Variants in RAB12 observed in about 807,000 individuals in gnomAD.
RAB12 encodes the protein ras-related protein Rab-12.
RAB12 carries 11 observed loss-of-function variants against 28.4 expected under a neutral mutation model. The ratio of observed to expected loss-of-function variants is 0.39; its 90% CI spans 0.24 to 0.64. The LOEUF (loss-of-function observed/expected upper bound fraction) is 0.64, where lower values mean the gene tolerates loss of function less well. Ranked by LOEUF, RAB12 falls within the 30% of genes least tolerant of loss-of-function variation. RAB12 has a pLI of 0.50. For missense variants in RAB12, 276 were observed against 351.1 expected, an observed-to-expected ratio of 0.79 and a Z score of 1.71; for synonymous variants, 138 against 145.3, an observed-to-expected ratio of 0.95 and a Z score of 0.36.
chr18:8,611,023 T>C (rs1960758709), intron 1 of RAB12, among the ~76,000 whole-genome samples: 1 of 152,254 alleles, frequency 6.6e-6, no homozygotes, highest in Non-Finnish European at 1.5e-5. Context: ...AGTGTCTTAT[T>C]GGAAAGTGAA....
At chr18:8,638,086 G>C (rs1435036337) in intron 5 of RAB12, 63 bp from the exon 6 acceptor site, 1 of 1,036,622 alleles carries the variant, frequency 9.6e-7, no homozygotes, top group Non-Finnish European at 1.5e-6. Flanking sequence ...CATGTTCAAG[G>C]GTCAGCTGTA....
In RAB12 at chr18:8,635,517, T is replaced by C; in HGVS notation, c.715-16T>C. 1 of 1,597,850 alleles carries C rather than the reference T, an allele frequency of 6.3e-7. No homozygotes were observed. Among genetic ancestry groups the C allele is most frequent in the Non-Finnish European group, 8.6e-7 (1 of 1,167,124 alleles). On this transcript the variant is annotated splice_polypyrimidine_tract_variant and intron_variant, in intron 3 of 5. Coordinates refer to ENST00000649141, the MANE Select transcript of RAB12 (RefSeq NM_001025300.3). ...ATGCCCATCTTTGAAATGTGGCTTCTTTTAAAATTCCACAGTATGCTTCAG... is the reference window on the plus strand; with the variant it reads ...ATGCCCATCTTTGAAATGTGGCTTCCTTTAAAATTCCACAGTATGCTTCAG...
At chr18:8,613,578 A>G (rs1404660375) in intron 1 of RAB12, among the ~76,000 whole-genome samples, 28 of 152,012 alleles carry the variant, frequency 1.8e-4, no homozygotes, top group Admixed American at 1.8e-3. Context: ...TCAAAAAACA[A>G]CTCCATAAAA....
At chr18:8,622,998 A>C (rs2096010750) in intron 1 of RAB12, among the ~76,000 whole-genome samples, 1 of 152,196 alleles carries the variant, frequency 6.6e-6, no homozygotes, top group Admixed American at 6.5e-5. Context: ...TTCCCTGAAC[A>C]TTGCTGTTAT....
At chr18:8,626,564 C>T (rs921097980) in intron 2 of RAB12, among the ~76,000 whole-genome samples, 4 of 152,190 alleles carry the variant, frequency 2.6e-5, no homozygotes, top group Non-Finnish European at 5.9e-5. Flanking sequence ...CTCCCTGGAG[C>T]TCTGCCCACT....
In RAB12 at chr18:8,633,329, T is replaced by C; in HGVS notation, c.714+2T>C. 1 of 1,613,678 alleles carries C rather than the reference T, an allele frequency of 6.2e-7. No individual in the cohort carries two copies. The highest frequency in any genetic ancestry group is 8.5e-7 in the Non-Finnish European group (1 of 1,179,866). ...AAATGGATGAAGATGATTGATAAGG[T>C]AAATGTTGCATTTTTCTGTCCAATG... On this transcript the variant is annotated splice_donor_variant, in intron 3 of 5. Coordinates refer to ENST00000649141, the MANE Select transcript of RAB12 (RefSeq NM_001025300.3). LOFTEE classifies it high-confidence loss of function.
Position 8,638,475 on chromosome 18 carries a change from C to T in RAB12, c.*213C>T, listed in dbSNP as rs321662. The T allele has an allele frequency of 0.15, 76,612 of 520,486 alleles. 9,490 individuals carry two copies. Among genetic ancestry groups the T allele is most frequent in the African/African-American group, 0.49 (25,542 of 51,820 alleles). The allele number at this position is 520,486 out of a possible 1,614,324, so 32.2% of individuals were successfully genotyped here. A position where few individuals can be genotyped will look rare whatever the true frequency, so the allele number is the denominator to read the frequency against. ...CAAATTATTATATTTCATTCATTAC[C>T]CCAGTGTCTAGTGTACATACACTGG... is the stretch of plus-strand genomic sequence containing the variant. On this transcript the variant is annotated 3_prime_UTR_variant, in exon 6 of 6. Transcript: ENST00000649141.
At chr18:8,635,452 A>G (rs2096018333) in intron 3 of RAB12, 81 bp from the exon 4 acceptor site, 2 of 1,039,130 alleles carry the variant, frequency 1.9e-6, no homozygotes, top group South Asian at 1.5e-5. Flanking sequence ...TTAGCGAAAA[A>G]TACTGTATCG....
At chr18:8,623,215 C>G (rs1033046420) in intron 1 of RAB12, among the ~76,000 whole-genome samples, 1 of 152,146 alleles carries the variant, frequency 6.6e-6, no homozygotes, top group Non-Finnish European at 1.5e-5. Flanking sequence ...TCGATGGAAT[C>G]TTCACAATTT....
At chr18:8,635,686 T>C (rs957358250) in intron 4 of RAB12, 64 bp downstream of exon 4, 6 of 933,394 alleles carry the variant, frequency 6.4e-6, no homozygotes, top group Non-Finnish European at 9.4e-6. Flanking sequence ...ACTGTTTCTT[T>C]TAATAAATTA....
At chr18:8,637,267 C>T (rs1392084020) in intron 5 of RAB12, among the ~76,000 whole-genome samples, 1 of 142,934 alleles carries the variant, frequency 7.0e-6, no homozygotes, top group Non-Finnish European at 1.5e-5. Flanking sequence ...GAATGAGACA[C>T]TGTCTCTATT....
chr18:8,612,189 G>A (rs2148705414), intron 1 of RAB12, among the ~76,000 whole-genome samples: 1 of 152,366 alleles, frequency 6.6e-6, no homozygotes, highest in Middle Eastern at 3.4e-3. Flanking sequence ...GGCAGTGACA[G>A]ATGTGTATGG....
chr18:8,626,711 A>T (rs563110178), intron 2 of RAB12, among the ~76,000 whole-genome samples: 1 of 152,206 alleles, frequency 6.6e-6, no homozygotes, highest in Admixed American at 6.5e-5. Context: ...AGCAGCGGGC[A>T]CTCAGAAACC....
Position 8,638,198 on chromosome 18 carries a change from T to TA in RAB12, c.960dup (p.Gln321ThrfsTer5). 1 of 1,614,058 alleles carries TA rather than the reference T, an allele frequency of 6.2e-7. No homozygotes were observed. Among genetic ancestry groups the TA allele is most frequent in the Non-Finnish European group, 8.5e-7 (1 of 1,179,934 alleles). ...GAGTTGTCCAATAGTATCCTGTCGT[T>TA]ACAACCAGAGCCTGAGATACCGCCA... On this transcript the variant is annotated frameshift_variant, in exon 6 of 6. Transcript: ENST00000649141. LOFTEE classifies it high-confidence loss of function.
At chr18:8,623,022 A>G (rs2096010769) in intron 1 of RAB12, among the ~76,000 whole-genome samples, 1 of 152,172 alleles carries the variant, frequency 6.6e-6, no homozygotes, top group Non-Finnish European at 1.5e-5. Context: ...GTTCTTTTTC[A>G]AGGTGCCCAG....
intron 1 of RAB12, among the ~76,000 whole-genome samples, chr18:8,614,034 G>A (rs1185439157): frequency 6.6e-6 from 1 of 152,172 alleles, no homozygotes; most frequent in Non-Finnish European, 1.5e-5. Context: ...GGCTGCAAGT[G>A]AATTCTTTTT....
chr18:8,639,141 T>C lies in RAB12; in HGVS notation c.*879T>C, dbSNP rs2096020705. 1.7e-5 allele frequency: 2 copies of C among 118,316 alleles called. No homozygotes were observed. The highest frequency in any genetic ancestry group is 6.6e-5 in the African/African-American group (2 of 30,340). The allele number at this position is 118,316 out of a possible 1,614,324, so 7.3% of individuals were successfully genotyped here. A position where few individuals can be genotyped will look rare whatever the true frequency, so the allele number is the denominator to read the frequency against. ...AAGCTTATTCTGATTAAGCCTAGAC[T>C]GTGTTCTTTTTTTTTTTTTTTTTTT... On this transcript the variant is annotated 3_prime_UTR_variant, in exon 6 of 6. Coordinates refer to ENST00000649141, the MANE Select transcript of RAB12 (RefSeq NM_001025300.3).
At chr18:8,616,360 CTTAA>C (rs1291764462) in intron 1 of RAB12, among the ~76,000 whole-genome samples, 2 of 148,018 alleles carry the variant, frequency 1.4e-5, no homozygotes, top group Non-Finnish European at 3.0e-5. Context: ...AAATTGTGCC[CTTAA>C]TTGAGTGTGA....
rs745584070 is a variant in RAB12, at chr18:8,636,290, C to G, written c.842C>G (p.Ala281Gly). 6.2e-7 allele frequency: 1 copy of G among 1,613,668 alleles called. No individual in the cohort carries two copies. Among genetic ancestry groups the G allele is most frequent in the Non-Finnish European group, 8.5e-7 (1 of 1,179,666 alleles). The stretch of plus-strand genomic sequence containing the variant: ...ATCACTGGGATGCGGTTCTGTGAAG[C>G]AAGTGCCAAGGATAACTTCAATGTG... ...QQITGMRFCE[A>G]SAKDNFNVDE... The change falls in exon 5 of 6, where the codon GCA (alanine) becomes GGA (glycine). Residue 281 changes from alanine (A) to glycine (G), a missense_variant. Coordinates refer to ENST00000649141, the MANE Select transcript of RAB12 (RefSeq NM_001025300.3).
Sources: allele counts gnomAD v4.1 joint callset (sites outside exome capture counted in the v4.1 genomes callset), GRCh38; gene constraint gnomAD v4.1.1; transcripts MANE v1.5; gene names NCBI Gene and HGNC (gene_info 2026-07-23, HGNC 2026-07-21).